NOC4L: variants seen among roughly 807,000 people sequenced by gnomAD.
NOC4L encodes the protein nucleolar complex associated 4 homolog.
Under a neutral mutation model 62.8 loss-of-function variants are expected in NOC4L, and 40 were observed. The observed-to-expected ratio is 0.64, with a 90% CI of 0.49 to 0.83. NOC4L has a LOEUF of 0.83. Ranked by LOEUF, NOC4L falls within the 40% of genes least tolerant of loss-of-function variation. The pLI is 0.00. For synonymous variants in NOC4L, 433 were observed against 299.8 expected (o/e 1.44, Z -4.59); for missense variants, 927 against 701.9 (o/e 1.32, Z -3.62).
At position 132,147,994 on chromosome 12, in the gene NOC4L, A is replaced by C; in HGVS notation, c.703+15A>C. 6.2e-7 allele frequency: 1 copy of C among 1,612,328 alleles called. No individual in the cohort carries two copies. Among genetic ancestry groups the C allele is most frequent in the Non-Finnish European group, 8.5e-7 (1 of 1,179,588 alleles). On this transcript the variant is annotated intron_variant, in intron 6 of 14. Transcript: ENST00000330579. The stretch of plus-strand genomic sequence containing the variant: ...GAAGCGGGCGGGTGAGTGTGCTGAG[A>C]GTCAGGGGCGGACAGGGCTGAGCCT...
intron 4 of NOC4L, 83 bp from the exon 5 acceptor site, chr12:132,147,550 G>A (rs1897769615): frequency 3.2e-6 from 5 of 1,542,382 alleles, no homozygotes; most frequent in South Asian, 1.2e-5. Flanking sequence ...TGCCTGGGGG[G>A]CTCGATGGGG....
chr12:132,147,419 CCTGG>C, intron 4 of NOC4L, 31 bp downstream of exon 4: 1 of 1,519,204 alleles, frequency 6.6e-7, no homozygotes, highest in Non-Finnish European at 9.0e-7. Context: ...TCCCAGAGGG[CCTGG>C]CTGGCTGGCC....
intron 10 of NOC4L, 29 bp from the exon 11 acceptor site, chr12:132,151,229 A>G (rs1325885989): frequency 6.3e-7 from 1 of 1,584,270 alleles, no homozygotes; most frequent in Admixed American, 1.7e-5. Context: ...GCCCTGCTCC[A>G]TCCGCTGCTC....
chr12:132,144,912 C>T lies in NOC4L; in HGVS notation c.176C>T (p.Ala59Val). Reference sequence around the variant, plus strand: ...CGCACGTGCAGCCGTCTTTTCGGGGCCTTGCTGGAGCGGGGAGAGCTGTTT... The same window carrying T: ...CGCACGTGCAGCCGTCTTTTCGGGGTCTTGCTGGAGCGGGGAGAGCTGTTT... Reference protein sequence around the residue: ...AVRTCSRLFGALLERGELFVG... With the variant: ...AVRTCSRLFGVLLERGELFVG... The change falls in exon 2 of 15, where the codon GCC (alanine) becomes GTC (valine). Residue 59 changes from alanine (A) to valine (V), a missense_variant. Transcript: ENST00000330579. 4 of 1,601,722 alleles carry T rather than the reference C, an allele frequency of 2.5e-6. No homozygotes were observed. The highest frequency in any genetic ancestry group is 3.4e-6 in the Non-Finnish European group (4 of 1,175,476).
chr12:132,147,821 C>A, intron 5 of NOC4L, 39 bp downstream of exon 5: 1 of 1,611,024 alleles, frequency 6.2e-7, no homozygotes, highest in Non-Finnish European at 8.5e-7. Flanking sequence ...CATGCTGTTG[C>A]CTCCCAGGGA....
chr12:132,144,745 G>C (rs1158184225), intron 1 of NOC4L, 109 bp from the exon 2 acceptor site: 2 of 1,484,518 alleles, frequency 1.3e-6, no homozygotes, highest in Admixed American at 2.1e-5. Context: ...ACGGGTCGGG[G>C]GTGACGGGGC....
At chr12:132,150,842 C>T in intron 9 of NOC4L, 139 bp from the exon 10 acceptor site, 1 of 682,466 alleles carries the variant, frequency 1.5e-6, no homozygotes, top group South Asian at 1.7e-5. Flanking sequence ...CATGTGGTCT[C>T]CAGCTTTGTG....
At chr12:132,148,753 C>G (rs776735820) in intron 8 of NOC4L, 31 bp from the exon 9 acceptor site, 12 of 726,964 alleles carry the variant, frequency 1.7e-5, no homozygotes, top group Non-Finnish European at 2.5e-5. Flanking sequence ...GCCCACCCGC[C>G]CCTCACCCCC....
In NOC4L at chr12:132,152,418, A is replaced by T; in HGVS notation, c.*17A>T. 6.4e-7 allele frequency: 1 copy of T among 1,566,404 alleles called. No individual in the cohort carries two copies. Among genetic ancestry groups the T allele is most frequent in the Non-Finnish European group, 8.7e-7 (1 of 1,152,330 alleles). On this transcript the variant is annotated 3_prime_UTR_variant, in exon 15 of 15. Transcript: ENST00000330579. Reference sequence around the variant, plus strand: ...CTCAGCTGACCCTGGCCCACCTGTGAATAAATCTCAGCTGACCCCAGCCCA... The same window carrying T: ...CTCAGCTGACCCTGGCCCACCTGTGTATAAATCTCAGCTGACCCCAGCCCA...
At position 132,150,986 on chromosome 12, in the gene NOC4L, G is replaced by T. The variant is rs970221247; in HGVS notation, c.907G>T (p.Ala303Ser). ...FLTRACDLGGALSLLALNGLF... is the reference protein window; with the variant it reads ...FLTRACDLGGSLSLLALNGLF... ...CTGTGTCTGTCTGTCTGCAGGGGGG[G>T]CCCTCAGCCTCTTGGCCTTGAACGG... Residue 303 changes from alanine (A) to serine (S), a missense_variant, in exon 10 of 15, where the codon GCC (alanine) becomes TCC (serine). Transcript: ENST00000330579. 3.1e-6 allele frequency: 5 copies of T among 1,608,294 alleles called. No homozygotes were observed. The highest frequency in any genetic ancestry group is 4.2e-6 in the Non-Finnish European group (5 of 1,177,634).
rs1897643623 is a variant in NOC4L at position 132,144,779 on chromosome 12, C to T, written c.118-75C>T. The T allele has an allele frequency of 1.4e-5, 22 of 1,528,378 alleles. No individual in the cohort carries two copies. The South Asian group carries it at 2.0e-4, about 14-fold the overall frequency. 94.7% of individuals were successfully genotyped at this position (1,528,378 alleles called of 1,614,324 possible). On this transcript the variant is annotated intron_variant, in intron 1 of 14. Coordinates refer to ENST00000330579, the MANE Select transcript of NOC4L (RefSeq NM_024078.3). ...GCTGGCGTCCCGAGGGGGAAGGGAA[C>T]GGGTTGGGGGCAGCCTAGGCAGGGG...
chr12:132,148,017 C>A (rs1897791088), intron 6 of NOC4L, 38 bp downstream of exon 6: 17 of 1,612,822 alleles, frequency 1.1e-5, no homozygotes, highest in African/African-American at 1.3e-5. Flanking sequence ...CAGGGCTGAG[C>A]CTTGGTCTGC....
intron 7 of NOC4L, 84 bp from the exon 8 acceptor site, chr12:132,148,525 C>T (rs1897811989): frequency 6.9e-7 from 1 of 1,459,480 alleles, no homozygotes; most frequent in Non-Finnish European, 9.4e-7. Context: ...TTGGCTCAGG[C>T]TGGGCTTCGG....
In NOC4L at chr12:132,144,509, C is replaced by T. The variant is rs201538803; in HGVS notation, c.21C>T (p.Ala7=). Residue 7 remains alanine (A), a synonymous_variant, in exon 1 of 15, where the codon GCC becomes GCT. Coordinates refer to ENST00000330579, the MANE Select transcript of NOC4L (RefSeq NM_024078.3). ...GCGGCATGGAGCGGGAGCCGGGCGC[C>T]GCGGGAGTTCGCCGGGCTCTGGGCC... MEREPG[A]AGVRRALGRR... 4 of 1,518,554 alleles carry T rather than the reference C, an allele frequency of 2.6e-6. No homozygotes were observed. The highest frequency in any genetic ancestry group is 2.9e-5 in the African/African-American group (2 of 69,764). 94.1% of individuals were successfully genotyped at this position (1,518,554 alleles called of 1,614,324 possible).
In NOC4L at chr12:132,147,117, C is replaced by T. The variant is rs766913038; in HGVS notation, c.346-164C>T. Among the ~76,000 whole-genome samples the T allele has an allele frequency of 3.4e-4, 52 of 152,170 alleles. 1 individual carries two copies. The highest frequency in any genetic ancestry group is 2.8e-3 in the Admixed American group (43 of 15,278). On this transcript the variant is annotated intron_variant, in intron 3 of 14. Transcript: ENST00000330579. ...TCATCTCTACGTCATGGGTGGGACA[C>T]GGAAGCCCAGAGTGGCATCTGGTGG...
intron 9 of NOC4L, 30 bp downstream of exon 9, chr12:132,148,925 C>A (rs1162413111): frequency 1.4e-6 from 1 of 704,540 alleles, no homozygotes. Context: ...TCACACCACA[C>A]CCCTAATCCC....
In NOC4L at chr12:132,148,625, T is replaced by C. The variant is rs1487814173; in HGVS notation, c.755T>C (p.Phe252Ser). 6.6e-7 allele frequency: 1 copy of C among 1,519,030 alleles called. No individual in the cohort carries two copies. The highest frequency in any genetic ancestry group is 2.0e-5 in the Admixed American group (1 of 49,104). The allele number at this position is 1,519,030 out of a possible 1,614,324, so 94.1% of individuals were successfully genotyped here. ...CCGTTGCAGGAGCACAGGAGGGTTT[T>C]CCAGGCCATGTGGCTCAGCTTCCTC... ...VAHLKEHRRV[F>S]QAMWLSFLKH... Residue 252 changes from phenylalanine (F) to serine (S), a missense_variant, in exon 8 of 15, where the codon TTC (phenylalanine) becomes TCC (serine). By Grantham distance (155) the Phe-to-Ser change is radical. Coordinates refer to ENST00000330579, the MANE Select transcript of NOC4L (RefSeq NM_024078.3).
intron 2 of NOC4L, 119 bp downstream of exon 2, chr12:132,145,093 G>T: frequency 2.2e-6 from 3 of 1,345,478 alleles, no homozygotes; most frequent in South Asian, 2.9e-5. Context: ...GTGGGAGGAC[G>T]CACCAAGCCC....
In NOC4L at chr12:132,145,633, G is replaced by A; in HGVS notation, c.313G>A (p.Glu105Lys). 6.2e-7 allele frequency: 1 copy of A among 1,613,504 alleles called. No homozygotes were observed. Among genetic ancestry groups the A allele is most frequent in the Non-Finnish European group, 8.5e-7 (1 of 1,179,870 alleles). ...RYHSCCNRLG[E>K]LLGHPSFQVK... Reference sequence around the variant, plus strand: ...TCACAGCTGCTGCAATCGCTTGGGAGAGCTCCTGGGCCACCCCTCCTTTCA... The same window carrying A: ...TCACAGCTGCTGCAATCGCTTGGGAAAGCTCCTGGGCCACCCCTCCTTTCA... The change falls in exon 3 of 15, where the codon GAG (glutamate) becomes AAG (lysine). Residue 105 changes from glutamate (E) to lysine (K), a missense_variant. Transcript: ENST00000330579.
Sources: gnomAD v4.1 joint callset for allele counts (sites outside exome capture counted in the v4.1 genomes callset) on GRCh38, gnomAD v4.1.1 for gene constraint, MANE v1.5 for transcripts, NCBI Gene and HGNC (gene_info 2026-07-23, HGNC 2026-07-21) for gene names.